Variants in CCNY observed in about 807,000 individuals in gnomAD.
CCNY encodes cyclin-Y.
CCNY carries 19 observed loss-of-function variants against 42.8 expected under a neutral mutation model. The ratio of observed to expected loss-of-function variants is 0.44; its 90% CI spans 0.31 to 0.65. The LOEUF (loss-of-function observed/expected upper bound fraction) is 0.65, where lower values mean the gene tolerates loss of function less well. Among genes scored for constraint, CCNY ranks in the 30% least tolerant of loss-of-function variants. CCNY has a pLI of 0.07. For missense variants in CCNY, 370 were observed against 437.3 expected (o/e 0.85, Z 1.37); for synonymous variants, 165 against 162.7 (o/e 1.01, Z -0.11).
At chr10:35,313,544 G>C (rs950443134) in intron 3 of CCNY, among the ~76,000 whole-genome samples, 3 of 152,122 alleles carry the variant, frequency 2.0e-5, no homozygotes, top group African/African-American at 7.2e-5. Context: ...ATTGAGGCAC[G>C]GGAGCCTCCA....
intron 1 of CCNY, among the ~76,000 whole-genome samples, chr10:35,466,319 C>T (rs1010782460): frequency 1.3e-5 from 2 of 152,074 alleles, no homozygotes; most frequent in Non-Finnish European, 2.9e-5. Flanking sequence ...AGAGGATATT[C>T]AGGGCAGAGG....
At chr10:35,318,777 A>G (rs935700204) in intron 3 of CCNY, among the ~76,000 whole-genome samples, 2 of 152,186 alleles carry the variant, frequency 1.3e-5, no homozygotes, top group African/African-American at 4.8e-5. Context: ...ATAGTAAAAG[A>G]AGAACAAATT....
At chr10:35,463,435 A>G (rs1341805603) in intron 1 of CCNY, among the ~76,000 whole-genome samples, 1 of 152,232 alleles carries the variant, frequency 6.6e-6, no homozygotes, top group Non-Finnish European at 1.5e-5. Context: ...GCATATATGT[A>G]TATAAGTTAC....
At position 35,497,710 on chromosome 10, in the gene CCNY, G is replaced by C. The variant is rs1840028558; in HGVS notation, c.230-3791G>C. Among the ~76,000 whole-genome samples, 3 of 135,044 alleles carry C rather than the reference G, an allele frequency of 2.2e-5. No individual in the cohort carries two copies. In the Admixed American group the frequency reaches 2.5e-4, roughly 11 times the overall value. 88.6% of individuals were successfully genotyped at this position (135,044 alleles called of 152,430 possible). A position where few individuals can be genotyped will look rare whatever the true frequency, so the allele number is the denominator to read the frequency against. On this transcript the variant is annotated intron_variant, in intron 2 of 9. Coordinates refer to ENST00000374704, the MANE Select transcript of CCNY (RefSeq NM_145012.6). ...TCACTTCCCTCCAGCCTGGATTACAGAGCGAGACTCCGTCTCAAAAAAAAA... is the reference window on the plus strand; with the variant it reads ...TCACTTCCCTCCAGCCTGGATTACACAGCGAGACTCCGTCTCAAAAAAAAA...
intron 1 of CCNY, among the ~76,000 whole-genome samples, chr10:35,462,038 A>G (rs1467245570): frequency 6.6e-6 from 1 of 152,096 alleles, no homozygotes; most frequent in East Asian, 1.9e-4. Context: ...GCCACACTCT[A>G]AGGCACTCAA....
intron 1 of CCNY, among the ~76,000 whole-genome samples, chr10:35,344,728 C>T (rs995315991): frequency 6.6e-6 from 1 of 152,030 alleles, no homozygotes; most frequent in African/African-American, 2.4e-5. Flanking sequence ...CTCCCCACTC[C>T]CCCCACCCGA....
intron 1 of CCNY, among the ~76,000 whole-genome samples, chr10:35,390,372 G>T (rs893470966): frequency 6.6e-6 from 1 of 152,178 alleles, no homozygotes; most frequent in African/African-American, 2.4e-5. Context: ...TGCAAGATTG[G>T]CACACATTCA....
intron 3 of CCNY, among the ~76,000 whole-genome samples, chr10:35,276,871 C>T (rs1835245649): frequency 6.6e-6 from 1 of 152,244 alleles, no homozygotes; most frequent in South Asian, 2.1e-4. Flanking sequence ...CAGGCCCTTT[C>T]TTGAGTGTGG....
chr10:35,281,071 G>A (rs1835294442), intron 3 of CCNY, among the ~76,000 whole-genome samples: 1 of 152,102 alleles, frequency 6.6e-6, no homozygotes, highest in East Asian at 1.9e-4. Flanking sequence ...CACTGGCATG[G>A]CTATAATGAA....
At chr10:35,442,118 G>A (rs895735954) in intron 1 of CCNY, among the ~76,000 whole-genome samples, 3 of 152,192 alleles carry the variant, frequency 2.0e-5, no homozygotes, top group African/African-American at 7.2e-5. Context: ...CACATGGGCT[G>A]GCTAGAAATG....
At chr10:35,281,418 G>A (rs1476348279) in intron 3 of CCNY, among the ~76,000 whole-genome samples, 1 of 151,938 alleles carries the variant, frequency 6.6e-6, no homozygotes. Flanking sequence ...TCTTGCCTCA[G>A]CCTCCCAAGT....
At chr10:35,501,462 A>C in intron 2 of CCNY, 39 bp from the exon 3 acceptor site, 3 of 1,598,542 alleles carry the variant, frequency 1.9e-6, no homozygotes, top group Non-Finnish European at 1.7e-6. Context: ...GTTGGCATGC[A>C]GGCATATAAC....
At chr10:35,304,904 C>T (rs922474875) in intron 3 of CCNY, among the ~76,000 whole-genome samples, 2 of 152,124 alleles carry the variant, frequency 1.3e-5, no homozygotes, top group Non-Finnish European at 2.9e-5. Flanking sequence ...AGCCAAAAAA[C>T]GTGGGTGGAT....
intron 3 of CCNY, among the ~76,000 whole-genome samples, chr10:35,514,006 A>T (rs1231964254): frequency 7.2e-6 from 1 of 139,022 alleles, no homozygotes; most frequent in Non-Finnish European, 1.5e-5. Context: ...AGCATCAGTC[A>T]GTTGTTGGAT....
chr10:35,417,264 T>G (rs1256410500), intron 1 of CCNY, among the ~76,000 whole-genome samples: 2 of 152,228 alleles, frequency 1.3e-5, no homozygotes, highest in Non-Finnish European at 2.9e-5. Flanking sequence ...AGAGGTGTTC[T>G]CATTCCACAG....
intron 3 of CCNY, among the ~76,000 whole-genome samples, chr10:35,281,244 G>T (rs1835296061): frequency 2.0e-5 from 3 of 151,924 alleles, no homozygotes. Flanking sequence ...CAAAAGAAAT[G>T]GAATGTCTAC....
chr10:35,267,949 CAG>C (rs1371539327), intron 3 of CCNY, among the ~76,000 whole-genome samples: 1 of 151,760 alleles, frequency 6.6e-6, no homozygotes, highest in African/African-American at 2.4e-5. Context: ...TTTTTTGAGA[CAG>C]AGTCTCATGA....
At position 35,474,826 on chromosome 10, in the gene CCNY, T is replaced by G. The variant is rs1028343123; in HGVS notation, c.155-8578T>G. 3.3e-3 allele frequency among the ~76,000 whole-genome samples: 506 copies of G among 152,142 alleles called. 2 individuals carry two copies. The highest frequency in any genetic ancestry group is 5.2e-3 in the Non-Finnish European group (356 of 67,988). ...GACTTTGACGAGCTGAGAGAAGAAGTCTTCAGACGATCAAAATACTCTGAG... is the reference window on the plus strand; with the variant it reads ...GACTTTGACGAGCTGAGAGAAGAAGGCTTCAGACGATCAAAATACTCTGAG... On this transcript the variant is annotated intron_variant, in intron 1 of 9. Transcript: ENST00000374704.
At chr10:35,411,890 A>G (rs1014397728) in intron 1 of CCNY, among the ~76,000 whole-genome samples, 4 of 152,264 alleles carry the variant, frequency 2.6e-5, no homozygotes, top group African/African-American at 9.6e-5. Flanking sequence ...TGCTATGATA[A>G]CAACACCACT....
Sources: gnomAD v4.1 joint callset for allele counts (sites outside exome capture counted in the v4.1 genomes callset) on GRCh38, gnomAD v4.1.1 for gene constraint, MANE v1.5 for transcripts, NCBI Gene and HGNC (gene_info 2026-07-23, HGNC 2026-07-21) for gene names.